Variants in ENOX1 observed in about 807,000 individuals in gnomAD.
ENOX1 encodes the protein ecto-NOX disulfide-thiol exchanger 1, also known as candidate growth-related and time keeping constitutive hydroquinone (NADH) oxidase.
In ENOX1, 42 loss-of-function variants were observed where a neutral mutation model predicts 82.5. The observed-to-expected ratio is 0.51, with a 90% confidence interval of 0.40 to 0.66. The LOEUF is 0.66. ENOX1 is among the 30% of genes least tolerant of loss of function. ENOX1 has a pLI of 0.00. For synonymous variants in ENOX1, 271 were observed against 282.2 expected (o/e 0.96, Z 0.40); for missense variants, 608 against 811.6 (o/e 0.75, Z 3.05).
At chr13:43,589,252 C>A (rs1341257899) in intron 2 of ENOX1, among the ~76,000 whole-genome samples, 3 of 142,608 alleles carry the variant, frequency 2.1e-5, no homozygotes, top group Non-Finnish European at 4.5e-5. Flanking sequence ...AAAGGGTCTG[C>A]AGAAAGTAGT....
At chr13:43,694,243 G>A (rs1175775589) in intron 1 of ENOX1, among the ~76,000 whole-genome samples, 2 of 149,382 alleles carry the variant, frequency 1.3e-5, no homozygotes, top group African/African-American at 4.9e-5. Context: ...AAAAAAAACA[G>A]AGAGAGAGAC....
At chr13:43,636,880 G>A (rs2083433666) in intron 2 of ENOX1, among the ~76,000 whole-genome samples, 2 of 152,204 alleles carry the variant, frequency 1.3e-5, no homozygotes, top group African/African-American at 4.8e-5. Context: ...AGGCAGGCAA[G>A]CGCATATTCT....
intron 2 of ENOX1, among the ~76,000 whole-genome samples, chr13:43,571,522 G>GAAA (rs5803189): frequency 1.4e-5 from 2 of 146,760 alleles, no homozygotes; most frequent in African/African-American, 5.0e-5. Context: ...TACTAAAAAA[G>GAAA]AAAAAAAAAA....
intron 11 of ENOX1, among the ~76,000 whole-genome samples, chr13:43,313,234 A>G (rs2153520041): frequency 6.6e-6 from 1 of 152,302 alleles, no homozygotes; most frequent in East Asian, 1.9e-4. Flanking sequence ...CCTGGTTTAG[A>G]ACTTGAATTA....
At chr13:43,342,754 C>T (rs184203355) in intron 9 of ENOX1, among the ~76,000 whole-genome samples, 26 of 152,348 alleles carry the variant, frequency 1.7e-4, no homozygotes, top group African/African-American at 5.3e-4. Context: ...TAAATCTCCA[C>T]GTCATTTTCC....
At chr13:43,378,501 T>C (rs1594227612) in intron 5 of ENOX1, among the ~76,000 whole-genome samples, 1 of 152,176 alleles carries the variant, frequency 6.6e-6, no homozygotes, top group Non-Finnish European at 1.5e-5. Flanking sequence ...GAATAATCCA[T>C]AAAGATTACA....
intron 2 of ENOX1, among the ~76,000 whole-genome samples, chr13:43,536,426 G>T (rs947866411): frequency 2.0e-5 from 3 of 152,032 alleles, no homozygotes; most frequent in African/African-American, 7.2e-5. Context: ...TATTTGCTTT[G>T]GAGAAATTTA....
At chr13:43,742,879 T>A (rs1341509907) in intron 1 of ENOX1, among the ~76,000 whole-genome samples, 1 of 140,982 alleles carries the variant, frequency 7.1e-6, no homozygotes, top group South Asian at 2.6e-4. Flanking sequence ...TTTTGGGGAA[T>A]AGGGACATGA....
intron 12 of ENOX1, among the ~76,000 whole-genome samples, chr13:43,270,084 T>G (rs991555937): frequency 5.3e-5 from 8 of 152,192 alleles, no homozygotes; most frequent in Non-Finnish European, 1.0e-4. Flanking sequence ...AATCAATATA[T>G]CAGCTGAGAA....
chr13:43,759,110 T>TTC lies in ENOX1; in HGVS notation c.-285+27541_-285+27542insGA, dbSNP rs1399342911. Among the ~76,000 whole-genome samples the TTC allele has an allele frequency of 5.8e-3, 869 of 148,956 alleles. 10 individuals carry two copies. Among genetic ancestry groups the TTC allele is most frequent in the African/African-American group, 0.021 (833 of 40,524 alleles). On this transcript the variant is annotated intron_variant, in intron 1 of 16. Coordinates refer to ENST00000690772, the MANE Select transcript of ENOX1 (RefSeq NM_001347969.2). ...ACTGATAAGTTTCTTTTTTTTTTTTTTTTTTTGAGACTGAGTCTCTCTGTG... is the reference window on the plus strand; with the variant it reads ...ACTGATAAGTTTCTTTTTTTTTTTTTTCTTTTTTGAGACTGAGTCTCTCTGTG...
intron 2 of ENOX1, among the ~76,000 whole-genome samples, chr13:43,495,835 TTTGG>T (rs2153664639): frequency 6.6e-6 from 1 of 151,968 alleles, no homozygotes; most frequent in South Asian, 2.1e-4. Context: ...CTCACCAATG[TTTGG>T]TGAGCTCAGT....
chr13:43,289,188 T>C lies in ENOX1; in HGVS notation c.1446+9158A>G, dbSNP rs78807740. Among the ~76,000 whole-genome samples the C allele has an allele frequency of 6.5e-4, 99 of 152,294 alleles. 1 individual carries two copies. The East Asian group carries it at 0.018, about 27-fold the overall frequency. On this transcript the variant is annotated intron_variant, in intron 12 of 16. Transcript: ENST00000690772. Reference sequence around the variant, plus strand: ...ACCACTATTCCTATCAAATTACTAATGTCATTCTTTACAGAATTAAGGAAA... The same window carrying C: ...ACCACTATTCCTATCAAATTACTAACGTCATTCTTTACAGAATTAAGGAAA...
chr13:43,259,280 T>G (rs541803846), intron 14 of ENOX1, among the ~76,000 whole-genome samples: 2 of 152,112 alleles, frequency 1.3e-5, no homozygotes, highest in Non-Finnish European at 2.9e-5. Context: ...CCTCAATGAA[T>G]GTTTGTGGGT....
chr13:43,352,482 A>G (rs373832340), intron 8 of ENOX1, among the ~76,000 whole-genome samples: 2 of 152,340 alleles, frequency 1.3e-5, no homozygotes, highest in East Asian at 3.9e-4. Context: ...TGTTAGACAC[A>G]CTGAAATTCA....
At chr13:43,405,642 C>G (rs2053750750) in intron 5 of ENOX1, among the ~76,000 whole-genome samples, 1 of 152,142 alleles carries the variant, frequency 6.6e-6, no homozygotes, top group Non-Finnish European at 1.5e-5. Flanking sequence ...TCCATGTGGT[C>G]TTAGTCATCC....
chr13:43,609,699 CATTTT>C (rs147557124), intron 2 of ENOX1, among the ~76,000 whole-genome samples: 185 of 152,252 alleles, frequency 1.2e-3, no homozygotes, highest in African/African-American at 4.3e-3. Flanking sequence ...TAAACCATGT[CATTTT>C]ATTTTATTTT....
At chr13:43,460,170 A>G (rs916530411) in intron 3 of ENOX1, among the ~76,000 whole-genome samples, 1 of 152,234 alleles carries the variant, frequency 6.6e-6, no homozygotes, top group Admixed American at 6.5e-5. Context: ...CAGAGACAAA[A>G]GTGAGTGAAT....
chr13:43,615,555 C>T (rs1363348353), intron 2 of ENOX1, among the ~76,000 whole-genome samples: 1 of 151,990 alleles, frequency 6.6e-6, no homozygotes, highest in Non-Finnish European at 1.5e-5. Context: ...TGGAACCATG[C>T]CTGATCTAAT....
At chr13:43,246,797 C>A (rs978634837) in intron 14 of ENOX1, among the ~76,000 whole-genome samples, 5 of 151,972 alleles carry the variant, frequency 3.3e-5, no homozygotes. Context: ...GCTTCTCCAG[C>A]CACACCCCAA....
Sources: allele counts gnomAD v4.1 joint callset (sites outside exome capture counted in the v4.1 genomes callset), GRCh38; gene constraint gnomAD v4.1.1; transcripts MANE v1.5; gene names NCBI Gene and HGNC (gene_info 2026-07-23, HGNC 2026-07-21).